The following RNPS1 variants were observed in gnomAD, a reference collection of about 807,000 sequenced individuals.
RNPS1 encodes RNA binding protein with serine rich domain 1.
For missense variants in RNPS1, 300 were observed against 427.6 expected (o/e 0.70, Z 2.63); for synonymous variants, 147 against 150.0 (o/e 0.98, Z 0.15).
At position 2,264,515 on chromosome 16, in the gene RNPS1, G is replaced by A. The variant is rs374652764; in HGVS notation, c.71+58C>T. 45 of 1,564,916 alleles carry A rather than the reference G, an allele frequency of 2.9e-5. No homozygotes were observed. The East Asian group carries it at 4.7e-4, about 16-fold the overall frequency. ...ACATTCTCAACTTTCCCCTTTCTGCGGGTCCCTAGCAGTAAGCACCCCCAA... is the reference window on the plus strand; with the variant it reads ...ACATTCTCAACTTTCCCCTTTCTGCAGGTCCCTAGCAGTAAGCACCCCCAA... On this transcript the variant is annotated intron_variant, in intron 2 of 7. Transcript: ENST00000320225.
chr16:2,267,717 T>TG (rs2093630864), intron 1 of RNPS1: 1 of 1,246,452 alleles, frequency 8.0e-7, no homozygotes, highest in Admixed American at 4.7e-5. Flanking sequence ...GGCCTGGCGT[T>TG]GGGGGCTTGG....
rs561792684 is a variant in RNPS1, at chr16:2,253,733, G to A, written c.*231C>T. Reference sequence around the variant, plus strand: ...GAACTGACTCTTAGAAACCGGAAACGGATGAGCTTTCTAGCCAGAAAACCG... The same window carrying A: ...GAACTGACTCTTAGAAACCGGAAACAGATGAGCTTTCTAGCCAGAAAACCG... On this transcript the variant is annotated 3_prime_UTR_variant, in exon 8 of 8. Coordinates refer to ENST00000320225, the MANE Select transcript of RNPS1 (RefSeq NM_080594.4). The A allele has an allele frequency of 7.0e-5, 45 of 645,740 alleles. No homozygotes were observed. Among genetic ancestry groups the A allele is most frequent in the South Asian group, 2.7e-4 (16 of 58,860 alleles). 40.0% of individuals were successfully genotyped at this position (645,740 alleles called of 1,614,324 possible).
intron 2 of RNPS1, 111 bp downstream of exon 2, chr16:2,264,462 G>GTCACCTCGGGT: frequency 6.6e-7 from 1 of 1,521,820 alleles, no homozygotes; most frequent in Non-Finnish European, 9.1e-7. Flanking sequence ...GTGGTCTGTG[G>GTCACCTCGGGT]CTCAGAACAC....
chr16:2,262,921 CT>C (rs2093609073), intron 4 of RNPS1, 79 bp from the exon 5 acceptor site: 2 of 1,365,694 alleles, frequency 1.5e-6, no homozygotes, highest in Non-Finnish European at 2.1e-6. Flanking sequence ...AAGCTCTTAT[CT>C]GCTTGTGTGA....
intron 1 of RNPS1, chr16:2,266,055 CAGG>C: frequency 1.1e-6 from 1 of 936,642 alleles, no homozygotes; most frequent in African/African-American, 1.8e-5. Context: ...GCACAAGCTG[CAGG>C]AGTTGTTAAG....
At position 2,264,648 on chromosome 16, in the gene RNPS1, C is replaced by T. The variant is rs753613697; in HGVS notation, c.-5G>A. 6 of 1,611,904 alleles carry T rather than the reference C, an allele frequency of 3.7e-6. No homozygotes were observed. The highest frequency in any genetic ancestry group is 5.1e-6 in the Non-Finnish European group (6 of 1,179,832). On this transcript the variant is annotated 5_prime_UTR_variant, in exon 2 of 8. Coordinates refer to ENST00000320225, the MANE Select transcript of RNPS1 (RefSeq NM_080594.4). ...TTTCACTCCTGATAAATCCATTCTC[C>T]CCTTCTGAGGTGTTCAAAGCAGCAA...
chr16:2,264,246 T>C lies in RNPS1; in HGVS notation c.157A>G (p.Ser53Gly). The C allele has an allele frequency of 6.2e-7, 1 of 1,614,180 alleles. No homozygotes were observed. Among genetic ancestry groups the C allele is most frequent in the East Asian group, 2.2e-5 (1 of 44,890 alleles). ...SKDKGATKES[S>G]EKDRGRDKTR... ...TTGTCCCGGCCGCGATCCTTCTCACTCGACTCCTTGGTGGCCCCTTTATCT... is the reference window on the plus strand; with the variant it reads ...TTGTCCCGGCCGCGATCCTTCTCACCCGACTCCTTGGTGGCCCCTTTATCT... Residue 53 changes from serine to glycine, a missense_variant, in exon 3 of 8, where the codon AGT (serine) becomes GGT (glycine). Transcript: ENST00000320225.
At chr16:2,264,482 A>C (rs1206285018) in intron 2 of RNPS1, 91 bp downstream of exon 2, 2 of 1,533,640 alleles carry the variant, frequency 1.3e-6, no homozygotes, top group Non-Finnish European at 1.8e-6. Context: ...CTCACTGTAG[A>C]ATGCAGAACA....
chr16:2,266,423 G>A, intron 1 of RNPS1: 3 of 983,534 alleles, frequency 3.1e-6, no homozygotes, highest in Non-Finnish European at 3.6e-6. Flanking sequence ...TTTAGAGTCT[G>A]GAGCCAGAGG....
chr16:2,259,499 A>G (rs2093593191), intron 6 of RNPS1, among the ~76,000 whole-genome samples: 1 of 152,240 alleles, frequency 6.6e-6, no homozygotes, highest in African/African-American at 2.4e-5. Flanking sequence ...TTTTATAATC[A>G]GCTATAGAGT....
chr16:2,264,472 C>G (rs2093616867), intron 2 of RNPS1, 101 bp downstream of exon 2: 1 of 1,529,720 alleles, frequency 6.5e-7, no homozygotes, highest in Non-Finnish European at 9.0e-7. Context: ...GCTCAGAACA[C>G]TCACTGTAGA....
intron 5 of RNPS1, 89 bp downstream of exon 5, chr16:2,262,649 TCC>T: frequency 8.4e-7 from 1 of 1,197,198 alleles, no homozygotes; most frequent in Non-Finnish European, 1.2e-6. Context: ...ACCACCCCAG[TCC>T]TCCAAAAGGC....
chr16:2,258,531 C>T (rs915005741), intron 6 of RNPS1: 3 of 151,878 alleles, frequency 2.0e-5, no homozygotes, highest in African/African-American at 7.3e-5. Flanking sequence ...TTGAGACAGG[C>T]CTGGCCAACA....
chr16:2,254,046 C>T lies in RNPS1; in HGVS notation c.836G>A (p.Arg279His), dbSNP rs768609084. Residue 279 changes from arginine (R) to histidine (H), a missense_variant, in exon 8 of 8, where the codon CGC becomes CAC. Transcript: ENST00000320225. ...TGATCTCCGGCGCACGGGGGACCTG[C>T]GCCTCGGGGAGCGGGACCTGCGGGA... ...RMRRRSRSPR[R>H]RSPVRRRSRS... 200 of 1,491,570 alleles carry T rather than the reference C, an allele frequency of 1.3e-4. No individual in the cohort carries two copies. The highest frequency in any genetic ancestry group is 1.7e-4 in the Non-Finnish European group (188 of 1,117,646). 92.4% of individuals were successfully genotyped at this position (1,491,570 alleles called of 1,614,324 possible). A position where few individuals can be genotyped will look rare whatever the true frequency, so the allele number is the denominator to read the frequency against.
Position 2,255,694 on chromosome 16 carries a change from C to A in RNPS1, c.709G>T (p.Ala237Ser). The change falls in exon 7 of 8, where the codon GCC becomes TCC. Residue 237 changes from alanine to serine, a missense_variant. Ala to Ser is a moderately conservative substitution (Grantham distance 99). Coordinates refer to ENST00000320225, the MANE Select transcript of RNPS1 (RefSeq NM_080594.4). The part of the protein sequence containing the change: ...QIDGQEITAT[A>S]VLAPWPRPPP... ...GGCCTAGGCCAGGGGGCCAGCACGG[C>A]GGTGGCAGTGATCTCCTGGCCATCA... The A allele has an allele frequency of 1.2e-6, 2 of 1,613,792 alleles. No homozygotes were observed. The highest frequency in any genetic ancestry group is 1.7e-6 in the Non-Finnish European group (2 of 1,179,990).
intron 7 of RNPS1, among the ~76,000 whole-genome samples, chr16:2,254,745 T>C (rs529505266): frequency 1.5e-4 from 22 of 146,570 alleles, no homozygotes; most frequent in Admixed American, 1.3e-3. Flanking sequence ...TTTACCTTTT[T>C]TTTTTTTTTT....
chr16:2,263,063 G>C, intron 4 of RNPS1, 33 bp downstream of exon 4: 1 of 1,602,124 alleles, frequency 6.2e-7, no homozygotes, highest in Non-Finnish European at 8.5e-7. Flanking sequence ...CCCCGAGCTT[G>C]TAAACTTTAG....
intron 6 of RNPS1, among the ~76,000 whole-genome samples, chr16:2,261,108 C>T (rs955848269): frequency 1.0e-4 from 15 of 150,454 alleles, no homozygotes; most frequent in African/African-American, 3.2e-4. Flanking sequence ...CCAGCCTGGG[C>T]GACAGAGCCA....
rs770605883 is a variant in RNPS1, at chr16:2,263,158, G to C, written c.357C>G (p.Ser119Arg). ...SSTSRSSSSS[S>R]SSGSPSPSRR... ...GAGAAGGACTTGGAGAGCCAGAAGA[G>C]CTGCTAGAGCTGGAGCTGCGGGAGG... Residue 119 changes from serine (S) to arginine (R), a missense_variant, in exon 4 of 8, where the codon AGC (serine) becomes AGG (arginine). By Grantham distance (110) the Ser-to-Arg change is moderately radical (BLOSUM62 -1). Transcript: ENST00000320225. The C allele has an allele frequency of 6.2e-7, 1 of 1,613,870 alleles. No homozygotes were observed. Among genetic ancestry groups the C allele is most frequent in the Non-Finnish European group, 8.5e-7 (1 of 1,179,896 alleles).
Sources: allele counts gnomAD v4.1 joint callset (sites outside exome capture counted in the v4.1 genomes callset), GRCh38; gene constraint gnomAD v4.1.1; transcripts MANE v1.5; gene names NCBI Gene and HGNC (gene_info 2026-07-23, HGNC 2026-07-21).